Variants in CDK14 observed in about 807,000 individuals in gnomAD.
The protein encoded by CDK14 is cyclin dependent kinase 14.
In CDK14, 34 loss-of-function variants were observed where a neutral mutation model predicts 60.7. The observed-to-expected ratio is 0.56, with a 90% CI of 0.43 to 0.75. The LOEUF (loss-of-function observed/expected upper bound fraction) is 0.75. Ranked by LOEUF, CDK14 falls within the 30% of genes least tolerant of loss-of-function variation. CDK14 has a pLI of 0.00. For missense variants in CDK14, 482 were observed against 564.1 expected, an observed-to-expected ratio of 0.85 and a Z score of 1.47; for synonymous variants, 197 against 203.7, an observed-to-expected ratio of 0.97 and a Z score of 0.28.
chr7:91,034,172 C>T (rs994066623), intron 10 of CDK14, among the ~76,000 whole-genome samples: 1 of 152,160 alleles, frequency 6.6e-6, no homozygotes, highest in South Asian at 2.1e-4. Context: ...TTAAAAAAAT[C>T]TCTGAACTGT....
At chr7:90,935,993 G>A (rs1045369901) in intron 8 of CDK14, among the ~76,000 whole-genome samples, 2 of 151,620 alleles carry the variant, frequency 1.3e-5, no homozygotes, top group African/African-American at 4.9e-5. Flanking sequence ...AGTGAGTCAT[G>A]ATTTTGCCAC....
chr7:90,678,583 C>T (rs912355326), intron 2 of CDK14, among the ~76,000 whole-genome samples: 6 of 152,148 alleles, frequency 3.9e-5, no homozygotes, highest in Admixed American at 3.9e-4. Context: ...TTAGCCTCTT[C>T]AGGTTAAGGG....
Position 90,744,770 on chromosome 7 carries a change from A to AC in CDK14, c.370-2904dup, listed in dbSNP as rs1256417167. Reference sequence around the variant, plus strand: ...GGGCGGCTGGCCGGGCAGGGGGCTGACCCCCCCACCTCCCTGCCGGACGGG... The same window carrying AC: ...GGGCGGCTGGCCGGGCAGGGGGCTGACCCCCCCCACCTCCCTGCCGGACGGG... On this transcript the variant is annotated intron_variant, in intron 3 of 14. Transcript: ENST00000380050. 5.5e-3 allele frequency among the ~76,000 whole-genome samples: 633 copies of AC among 114,182 alleles called. 6 individuals carry two copies. The highest frequency in any genetic ancestry group is 0.019 in the African/African-American group (549 of 29,386). 74.9% of individuals were successfully genotyped at this position (114,182 alleles called of 152,430 possible).
chr7:90,672,502 GTTTTTTTTTT>G (rs201978996), intron 2 of CDK14, among the ~76,000 whole-genome samples: 39 of 50,000 alleles, frequency 7.8e-4, no homozygotes, highest in South Asian at 1.1e-3. Context: ...TTCTTCTTCT[GTTTTTTTTTT>G]TTTTTTTTTT....
chr7:90,957,997 C>T (rs1794483425), intron 9 of CDK14, among the ~76,000 whole-genome samples: 2 of 152,074 alleles, frequency 1.3e-5, no homozygotes, highest in Non-Finnish European at 2.9e-5. Context: ...TGTAGAATTC[C>T]ACTGTGTATT....
At chr7:91,165,078 G>A (rs1444902390) in intron 14 of CDK14, among the ~76,000 whole-genome samples, 3 of 152,216 alleles carry the variant, frequency 2.0e-5, no homozygotes, top group East Asian at 3.8e-4. Context: ...GCTCTTCAGC[G>A]TTCCCTATGC....
At chr7:91,155,743 G>T (rs1402201865) in intron 14 of CDK14, among the ~76,000 whole-genome samples, 1 of 152,106 alleles carries the variant, frequency 6.6e-6, no homozygotes, top group East Asian at 1.9e-4. Flanking sequence ...CCATTTTTGT[G>T]TCATTGAAGT....
intron 2 of CDK14, among the ~76,000 whole-genome samples, chr7:90,611,338 C>T (rs1799534330): frequency 6.6e-6 from 1 of 152,176 alleles, no homozygotes; most frequent in South Asian, 2.1e-4. Flanking sequence ...CCTCCACATC[C>T]AGATGTCCAA....
intron 5 of CDK14, among the ~76,000 whole-genome samples, chr7:90,852,085 T>G (rs150057186): frequency 6.6e-5 from 10 of 152,120 alleles, no homozygotes; most frequent in Non-Finnish European, 1.0e-4. Context: ...GTTATAGATA[T>G]GGAGTCTTGC....
chr7:91,131,603 C>T (rs529693889), intron 14 of CDK14, among the ~76,000 whole-genome samples: 51 of 152,184 alleles, frequency 3.4e-4, no homozygotes, highest in South Asian at 8.3e-4. Context: ...ACAGAGTCAC[C>T]AACAAAGCAG....
At chr7:90,863,672 G>GTA (rs139546054) in intron 6 of CDK14, among the ~76,000 whole-genome samples, 4,084 of 141,380 alleles carry the variant, frequency 0.029, 182 homozygotes, top group African/African-American at 0.097. Flanking sequence ...ATTAAGATAT[G>GTA]TGTGTGTGTG....
chr7:91,119,606 G>A lies in CDK14; in HGVS notation c.*28+1398G>A, dbSNP rs181121461. ...AATATGTTAACAGGCTAAATTGATAGCATGGTAAAGAGAGCAAATTTTAAA... is the reference window on the plus strand; with the variant it reads ...AATATGTTAACAGGCTAAATTGATAACATGGTAAAGAGAGCAAATTTTAAA... On this transcript the variant is annotated intron_variant, in intron 14 of 14. Coordinates refer to ENST00000380050, the MANE Select transcript of CDK14 (RefSeq NM_001287135.2). Among the ~76,000 whole-genome samples, 137 of 152,344 alleles carry A rather than the reference G, an allele frequency of 9.0e-4. 2 individuals are homozygous for A. Among genetic ancestry groups the A allele is most frequent in the Non-Finnish European group, 3.1e-4 (21 of 68,030 alleles).
chr7:90,606,352 A>G (rs1401335195), intron 2 of CDK14, among the ~76,000 whole-genome samples: 1 of 152,226 alleles, frequency 6.6e-6, no homozygotes, highest in Non-Finnish European at 1.5e-5. Context: ...TAATAATAGT[A>G]TCTTTCCTTT....
chr7:90,996,485 TTTGA>T (rs1310114321), intron 10 of CDK14, among the ~76,000 whole-genome samples: 2 of 152,242 alleles, frequency 1.3e-5, no homozygotes, highest in Non-Finnish European at 2.9e-5. Flanking sequence ...GCTATGGCTG[TTTGA>T]TTAAGATTTA....
intron 14 of CDK14, among the ~76,000 whole-genome samples, chr7:91,118,803 TATC>T (rs1373946076): frequency 2.6e-5 from 4 of 152,214 alleles, no homozygotes; most frequent in Non-Finnish European, 5.9e-5. Flanking sequence ...GTACGGACCT[TATC>T]ATGATGAAGC....
Position 90,668,696 on chromosome 7 carries a change from A to ATTATTT in CDK14, c.124-57869_124-57868insATTTTT, listed in dbSNP as rs1554431005. 9.3e-3 allele frequency among the ~76,000 whole-genome samples: 638 copies of ATTATTT among 68,364 alleles called. 9 individuals are homozygous for ATTATTT. The highest frequency in any genetic ancestry group is 0.021 in the Middle Eastern group (2 of 94). 44.8% of individuals were successfully genotyped at this position (68,364 alleles called of 152,430 possible). On this transcript the variant is annotated intron_variant, in intron 2 of 14. Transcript: ENST00000380050. ...TTATATGGTGTAAGGAAGGACTCGC[A>ATTATTT]TTCTTTTTTTTTTTTTTTTTTTTTT...
At chr7:90,665,053 G>A (rs895263753) in intron 2 of CDK14, among the ~76,000 whole-genome samples, 3 of 152,038 alleles carry the variant, frequency 2.0e-5, no homozygotes, top group South Asian at 2.1e-4. Flanking sequence ...AGGCTGAGGC[G>A]GGTGAATGAC....
At chr7:90,952,343 G>T (rs573771839) in intron 8 of CDK14, among the ~76,000 whole-genome samples, 2 of 152,296 alleles carry the variant, frequency 1.3e-5, no homozygotes, top group Non-Finnish European at 2.9e-5. Flanking sequence ...ATCTTATAGA[G>T]ATGTGAGGAG....
At chr7:90,996,063 T>C (rs1795673773) in intron 10 of CDK14, among the ~76,000 whole-genome samples, 1 of 152,220 alleles carries the variant, frequency 6.6e-6, no homozygotes, top group African/African-American at 2.4e-5. Context: ...GAGTCCTTTG[T>C]TTCTCACAGA....
Sources: gnomAD v4.1 joint callset for allele counts (sites outside exome capture counted in the v4.1 genomes callset) on GRCh38, gnomAD v4.1.1 for gene constraint, MANE v1.5 for transcripts, NCBI Gene and HGNC (gene_info 2026-07-23, HGNC 2026-07-21) for gene names.